The following DNAH14 variants were observed in gnomAD, a reference collection of about 807,000 sequenced individuals.
DNAH14 encodes dynein axonemal heavy chain 14, also known as axonemal beta dynein heavy chain 14.
A neutral mutation model predicts 520.9 loss-of-function variants in DNAH14; 478 were observed. The observed-to-expected ratio is 0.92, with a 90% CI of 0.85 to 0.99. The LOEUF (loss-of-function observed/expected upper bound fraction) is 0.99. DNAH14 is among the 50% of genes least tolerant of loss of function. The pLI is 0.00. For synonymous variants in DNAH14, 1,581 were observed against 1,757.2 expected (o/e 0.90, Z 2.51); for missense variants, 4,831 against 5,234.5 (o/e 0.92, Z 2.38).
At chr1:225,083,320 A>ACG (rs2073357474) in intron 20 of DNAH14, among the ~76,000 whole-genome samples, 1 of 151,524 alleles carries the variant, frequency 6.6e-6, no homozygotes, top group South Asian at 2.1e-4. Flanking sequence ...TAATCAAAAC[A>ACG]TATTTTATAC....
intron 60 of DNAH14, among the ~76,000 whole-genome samples, chr1:225,314,591 T>C (rs185338190): frequency 1.3e-5 from 2 of 152,356 alleles, no homozygotes; most frequent in East Asian, 1.9e-4. Flanking sequence ...TTCCCTTCCA[T>C]ATTTAGTGCT....
Position 225,206,835 on chromosome 1 carries a change from G to T in DNAH14, c.6187-133G>T, listed in dbSNP as rs1164914715. 6.5e-6 allele frequency: 5 copies of T among 767,200 alleles called. No individual in the cohort carries two copies. In the Admixed American group the frequency reaches 1.1e-4, roughly 16 times the overall value. 47.5% of individuals were successfully genotyped at this position (767,200 alleles called of 1,614,324 possible). On this transcript the variant is annotated intron_variant, in intron 40 of 85. Transcript: ENST00000682510. ...ATTCCTTAAGCTACTTTGATCATTTGCCCTTTAATGAATGACAATTCTAAG... is the reference window on the plus strand; with the variant it reads ...ATTCCTTAAGCTACTTTGATCATTTTCCCTTTAATGAATGACAATTCTAAG...
intron 61 of DNAH14, 49 bp from the exon 62 acceptor site, chr1:225,322,615 A>G (rs1239583825): frequency 2.8e-6 from 4 of 1,425,856 alleles, no homozygotes; most frequent in East Asian, 2.6e-5. Flanking sequence ...TACAGGGTGC[A>G]TTTCATTTTT....
intron 15 of DNAH14, among the ~76,000 whole-genome samples, chr1:225,047,347 C>T (rs2068055946): frequency 6.6e-6 from 1 of 152,100 alleles, no homozygotes; most frequent in South Asian, 2.1e-4. Context: ...TACAGTCATG[C>T]ACTGCATAAA....
intron 26 of DNAH14, among the ~76,000 whole-genome samples, chr1:225,120,540 A>T (rs2077202763): frequency 1.3e-5 from 2 of 152,224 alleles, no homozygotes; most frequent in Non-Finnish European, 2.9e-5. Context: ...GTTTTGTTTG[A>T]GTCAAATTGT....
intron 44 of DNAH14, among the ~76,000 whole-genome samples, chr1:225,253,776 T>G (rs2092641140): frequency 6.6e-6 from 1 of 152,122 alleles, no homozygotes; most frequent in African/African-American, 2.4e-5. Flanking sequence ...TTTAATAGCA[T>G]GGTGGGAAAA....
chr1:224,952,254 G>A (rs1426325093), intron 1 of DNAH14, among the ~76,000 whole-genome samples: 2 of 152,086 alleles, frequency 1.3e-5, no homozygotes, highest in Non-Finnish European at 2.9e-5. Flanking sequence ...TATGGATGTG[G>A]CCTTTTAGTG....
At chr1:225,267,831 C>G in intron 49 of DNAH14, among the ~76,000 whole-genome samples, 1 of 151,556 alleles carries the variant, frequency 6.6e-6, no homozygotes, top group Middle Eastern at 3.4e-3. Context: ...TCAGGTCAGA[C>G]GTCAGTCAGA....
chr1:225,037,778 G>A (rs1270930545), intron 11 of DNAH14, among the ~76,000 whole-genome samples: 2 of 152,150 alleles, frequency 1.3e-5, no homozygotes, highest in African/African-American at 4.8e-5. Context: ...CGCCTCCTGG[G>A]TTCAAGCAAT....
intron 41 of DNAH14, among the ~76,000 whole-genome samples, chr1:225,228,995 G>T (rs963130406): frequency 6.6e-6 from 1 of 152,166 alleles, no homozygotes; most frequent in African/African-American, 2.4e-5. Flanking sequence ...TCCTAAAACC[G>T]GCCTTTGATC....
chr1:225,159,055 C>T (rs906820669), intron 34 of DNAH14, among the ~76,000 whole-genome samples: 2 of 152,092 alleles, frequency 1.3e-5, no homozygotes, highest in Admixed American at 6.6e-5. Flanking sequence ...AGCTAAAAAC[C>T]TTTACTGATA....
Position 225,346,095 on chromosome 1 carries a change from C to G in DNAH14, c.10812C>G (p.Leu3604=). The part of the protein sequence containing the change: ...SEIQAIRKNY[L]PIATRGALLY... ...TCCAAGCAATACGTAAAAACTATCT[C>G]CCCATTGCGACCCGAGGCGCCCTGC... The change falls in exon 70 of 86, where the codon CTC becomes CTG. Residue 3604 remains leucine (L), a synonymous_variant. Coordinates refer to ENST00000682510, the MANE Select transcript of DNAH14 (RefSeq NM_001367479.1). 1 of 1,551,698 alleles carries G rather than the reference C, an allele frequency of 6.4e-7. No individual in the cohort carries two copies. Among genetic ancestry groups the G allele is most frequent in the Non-Finnish European group, 8.7e-7 (1 of 1,146,988 alleles).
chr1:225,063,689 T>C (rs931114867), intron 17 of DNAH14, among the ~76,000 whole-genome samples: 1 of 152,076 alleles, frequency 6.6e-6, no homozygotes, highest in Non-Finnish European at 1.5e-5. Flanking sequence ...GTAATTATAG[T>C]TCTATGGGAA....
chr1:224,985,328 A>G (rs1483830284), intron 8 of DNAH14, among the ~76,000 whole-genome samples: 1 of 152,196 alleles, frequency 6.6e-6, no homozygotes, highest in African/African-American at 2.4e-5. Context: ...CCTGGATGAG[A>G]TTAGAGACTA....
chr1:225,201,220 G>GT (rs2086781899), intron 38 of DNAH14, among the ~76,000 whole-genome samples: 2 of 151,924 alleles, frequency 1.3e-5, no homozygotes, highest in Non-Finnish European at 2.9e-5. Flanking sequence ...AGTTTCTATT[G>GT]TTTTTTATTT....
chr1:225,093,713 T>C (rs1297273181), intron 21 of DNAH14, among the ~76,000 whole-genome samples: 2 of 152,156 alleles, frequency 1.3e-5, no homozygotes, highest in Non-Finnish European at 2.9e-5. Context: ...GTAGACCATA[T>C]GATTCTATAC....
At chr1:225,118,458 A>G (rs1397719906) in intron 25 of DNAH14, among the ~76,000 whole-genome samples, 2 of 152,274 alleles carry the variant, frequency 1.3e-5, no homozygotes, top group East Asian at 3.9e-4. Flanking sequence ...CACTGGTTCA[A>G]TTTGCCAGCC....
At chr1:225,078,020 A>T (rs1488732098) in intron 17 of DNAH14, among the ~76,000 whole-genome samples, 1 of 152,236 alleles carries the variant, frequency 6.6e-6, no homozygotes, top group African/African-American at 2.4e-5. Flanking sequence ...TTATGCAGGC[A>T]TACTCCTTAA....
chr1:225,062,822 G>T (rs1314770801), intron 17 of DNAH14, among the ~76,000 whole-genome samples: 1 of 152,046 alleles, frequency 6.6e-6, no homozygotes, highest in Non-Finnish European at 1.5e-5. Context: ...ATTAAAGATA[G>T]ACCTCAAAGA....
Sources: allele counts gnomAD v4.1 joint callset (sites outside exome capture counted in the v4.1 genomes callset), GRCh38; gene constraint gnomAD v4.1.1; transcripts MANE v1.5; gene names NCBI Gene and HGNC (gene_info 2026-07-23, HGNC 2026-07-21).